The following NPAS3 variants were observed in gnomAD, a reference collection of about 807,000 sequenced individuals.
NPAS3 encodes the protein neuronal PAS domain protein 3, also known as neuronal PAS domain-containing protein 3.
A neutral mutation model predicts 73.1 loss-of-function variants in NPAS3; 14 were observed. The ratio of observed to expected loss-of-function variants is 0.19; its 90% CI spans 0.13 to 0.30. NPAS3 has a LOEUF of 0.30. Ranked by LOEUF, NPAS3 falls within the 10% of genes least tolerant of loss-of-function variation. The pLI is 1.00. For synonymous variants in NPAS3, 620 were observed against 541.5 expected (o/e 1.14, Z -2.01); for missense variants, 1,096 against 1,250.0 (o/e 0.88, Z 1.86).
At chr14:33,623,066 A>G (rs1220093886) in intron 5 of NPAS3, among the ~76,000 whole-genome samples, 2 of 152,228 alleles carry the variant, frequency 1.3e-5, no homozygotes, top group East Asian at 3.9e-4. Flanking sequence ...TGAAGGGAAC[A>G]GTTTTATAAA....
chr14:33,792,976 T>C (rs2063406574), intron 9 of NPAS3, among the ~76,000 whole-genome samples: 1 of 152,204 alleles, frequency 6.6e-6, no homozygotes, highest in Non-Finnish European at 1.5e-5. Context: ...ACCATTCCCA[T>C]CCACAGCACT....
At chr14:33,053,142 T>C (rs2040769311) in intron 1 of NPAS3, among the ~76,000 whole-genome samples, 1 of 152,166 alleles carries the variant, frequency 6.6e-6, no homozygotes, top group Non-Finnish European at 1.5e-5. Flanking sequence ...CCCGCTAATC[T>C]TTCTCACATC....
At chr14:33,351,522 G>T (rs546549301) in intron 3 of NPAS3, among the ~76,000 whole-genome samples, 12 of 152,292 alleles carry the variant, frequency 7.9e-5, no homozygotes, top group Non-Finnish European at 1.6e-4. Context: ...TATGTCTTTG[G>T]AAGTTGAAAA....
chr14:33,576,097 A>C (rs976227367), intron 5 of NPAS3, among the ~76,000 whole-genome samples: 1 of 152,176 alleles, frequency 6.6e-6, no homozygotes, highest in Admixed American at 6.5e-5. Context: ...CCTGCTTGCA[A>C]AAGTGGGCCT....
At chr14:33,066,593 C>G (rs2138615094) in intron 2 of NPAS3, among the ~76,000 whole-genome samples, 1 of 152,158 alleles carries the variant, frequency 6.6e-6, no homozygotes, top group South Asian at 2.1e-4. Flanking sequence ...ACCACAAATA[C>G]CTTTATTGGG....
intron 2 of NPAS3, among the ~76,000 whole-genome samples, chr14:33,118,471 T>G (rs17100160): frequency 0.016 from 2,502 of 152,228 alleles, 66 homozygotes; most frequent in African/African-American, 0.052. Flanking sequence ...TATTCTTTCA[T>G]GGTAATCTTC....
At chr14:33,208,251 A>G (rs1183334496) in intron 2 of NPAS3, among the ~76,000 whole-genome samples, 1 of 152,162 alleles carries the variant, frequency 6.6e-6, no homozygotes, top group Non-Finnish European at 1.5e-5. Context: ...GGTTTATTCA[A>G]GGGTTATTTG....
intron 3 of NPAS3, among the ~76,000 whole-genome samples, chr14:33,263,864 T>G (rs1202680887): frequency 6.6e-6 from 1 of 152,206 alleles, no homozygotes; most frequent in Non-Finnish European, 1.5e-5. Context: ...TTCCTAGGTA[T>G]TTTATTCTCT....
chr14:33,016,626 A>G (rs536440562), intron 1 of NPAS3, among the ~76,000 whole-genome samples: 1 of 151,724 alleles, frequency 6.6e-6, no homozygotes, highest in Admixed American at 6.6e-5. Flanking sequence ...AAAAAAAAAA[A>G]AAAAAACGAC....
chr14:33,500,136 A>G (rs1014467694), intron 4 of NPAS3, among the ~76,000 whole-genome samples: 4 of 151,946 alleles, frequency 2.6e-5, no homozygotes, highest in South Asian at 2.1e-4. Context: ...TTTGGTGTCC[A>G]GCAATCACTG....
chr14:33,007,233 A>G (rs2039031297), intron 1 of NPAS3, among the ~76,000 whole-genome samples: 1 of 152,220 alleles, frequency 6.6e-6, no homozygotes, highest in Non-Finnish European at 1.5e-5. Flanking sequence ...CGCCCGGCGC[A>G]AGCATCCTGG....
intron 1 of NPAS3, among the ~76,000 whole-genome samples, chr14:33,032,118 T>A (rs1294488757): frequency 3.3e-5 from 5 of 152,014 alleles, no homozygotes; most frequent in African/African-American, 9.7e-5. Flanking sequence ...AGGACAAAAA[T>A]TTGTTTAGGT....
chr14:33,016,744 T>A (rs1269796162), intron 1 of NPAS3, among the ~76,000 whole-genome samples: 1 of 152,164 alleles, frequency 6.6e-6, no homozygotes, highest in East Asian at 1.9e-4. Context: ...TTTATTTCTC[T>A]GTAACTCCCC....
At chr14:33,496,174 G>A (rs745599814) in intron 4 of NPAS3, among the ~76,000 whole-genome samples, 34 of 151,942 alleles carry the variant, frequency 2.2e-4, no homozygotes, top group African/African-American at 5.3e-4. Flanking sequence ...TGAATAGACC[G>A]ATAACAAGTT....
At chr14:32,996,341 C>T (rs2038570037) in intron 1 of NPAS3, among the ~76,000 whole-genome samples, 1 of 152,076 alleles carries the variant, frequency 6.6e-6, no homozygotes, top group African/African-American at 2.4e-5. Flanking sequence ...AGAGAAAATC[C>T]CATTTTCTGA....
At chr14:33,493,319 T>C (rs1196187699) in intron 4 of NPAS3, among the ~76,000 whole-genome samples, 1 of 151,726 alleles carries the variant, frequency 6.6e-6, no homozygotes, top group Non-Finnish European at 1.5e-5. Flanking sequence ...GTTTGCTCTC[T>C]TAGTCTTTTT....
intron 2 of NPAS3, among the ~76,000 whole-genome samples, chr14:33,113,589 A>G (rs1328386275): frequency 1.3e-5 from 2 of 152,196 alleles, no homozygotes; most frequent in East Asian, 3.9e-4. Context: ...GGGTTTTCTA[A>G]ATATACAATC....
intron 5 of NPAS3, among the ~76,000 whole-genome samples, chr14:33,593,576 T>A (rs1177822316): frequency 2.6e-5 from 4 of 152,220 alleles, no homozygotes; most frequent in African/African-American, 4.8e-5. Context: ...TCTCCTGCAA[T>A]GGGCAACAAT....
chr14:33,544,842 T>TATATAATTATGTGTATA (rs1566989923), intron 4 of NPAS3, among the ~76,000 whole-genome samples: 1 of 123,698 alleles, frequency 8.1e-6, no homozygotes, highest in African/African-American at 3.6e-5. Flanking sequence ...TATATATATA[T>TATATAATTATGTGTATA]TATATATATG....
Sources: allele counts gnomAD v4.1 joint callset (sites outside exome capture counted in the v4.1 genomes callset), GRCh38; gene constraint gnomAD v4.1.1; transcripts MANE v1.5; gene names NCBI Gene and HGNC (gene_info 2026-07-23, HGNC 2026-07-21).